KCNK13: variants seen among roughly 807,000 people sequenced by gnomAD.
KCNK13 encodes the protein potassium two pore domain channel subfamily K member 13, also known as potassium channel subfamily K member 13.
In KCNK13, 12 loss-of-function variants were observed where a neutral mutation model predicts 23.4. The ratio of observed to expected loss-of-function variants is 0.51; its 90% CI spans 0.33 to 0.83. The LOEUF is 0.83. Among genes scored for constraint, KCNK13 ranks in the 40% least tolerant of loss-of-function variants. The probability of loss-of-function intolerance (pLI) is 0.02; values close to 1 mark genes in which losing one functional copy is unlikely to be tolerated. For synonymous variants in KCNK13, 231 were observed against 229.5 expected (o/e 1.01, Z -0.06); for missense variants, 463 against 556.3 (o/e 0.83, Z 1.69).
chr14:90,135,588 TAGAG>T (rs1429188144), intron 1 of KCNK13, among the ~76,000 whole-genome samples: 1 of 152,156 alleles, frequency 6.6e-6, no homozygotes, highest in Non-Finnish European at 1.5e-5. Context: ...GGACAGACGT[TAGAG>T]AGAAGATGGC....
chr14:90,165,893 G>A lies in KCNK13; in HGVS notation c.335-18218G>A, dbSNP rs1890296902. The stretch of plus-strand genomic sequence containing the variant: ...TGCCCCCAAGATGCAGTGACTCTCA[G>A]GGAAATGAAACGTTTTGAATTCCTC... On this transcript the variant is annotated intron_variant, in intron 1 of 1. Transcript: ENST00000282146. Among the ~76,000 whole-genome samples, 2 of 152,184 alleles carry A rather than the reference G, an allele frequency of 1.3e-5. 1 individual carries two copies. Among genetic ancestry groups the A allele is most frequent in the South Asian group, 4.1e-4 (2 of 4,824 alleles).
chr14:90,174,025 G>A (rs760605397), intron 1 of KCNK13, among the ~76,000 whole-genome samples: 9 of 152,008 alleles, frequency 5.9e-5, no homozygotes, highest in East Asian at 1.9e-4. Flanking sequence ...GTCAGATCTC[G>A]GCCAGGCGCA....
intron 1 of KCNK13, among the ~76,000 whole-genome samples, chr14:90,079,375 A>G (rs974996900): frequency 1.3e-5 from 2 of 152,174 alleles, no homozygotes; most frequent in African/African-American, 4.8e-5. Flanking sequence ...GGAAAAGTCA[A>G]ATGAGGTTAT....
chr14:90,165,550 A>T (rs948064587), intron 1 of KCNK13, among the ~76,000 whole-genome samples: 4 of 152,224 alleles, frequency 2.6e-5, no homozygotes, highest in Admixed American at 1.3e-4. Context: ...GGCACCTTTC[A>T]TCGGTTACAT....
chr14:90,085,436 A>T (rs1889260095), intron 1 of KCNK13, among the ~76,000 whole-genome samples: 1 of 151,474 alleles, frequency 6.6e-6, no homozygotes, highest in African/African-American at 2.4e-5. Context: ...AGGCGAGTGG[A>T]TCACCTGAGG....
At chr14:90,086,128 A>C (rs1889273148) in intron 1 of KCNK13, among the ~76,000 whole-genome samples, 1 of 151,864 alleles carries the variant, frequency 6.6e-6, no homozygotes, top group Non-Finnish European at 1.5e-5. Context: ...TATACACCAT[A>C]TTTTCACTGT....
At position 90,112,217 on chromosome 14, in the gene KCNK13, G is replaced by A. The variant is rs114118026; in HGVS notation, c.334+49678G>A. Among the ~76,000 whole-genome samples, 1,267 of 152,276 alleles carry A rather than the reference G, an allele frequency of 8.3e-3. 18 individuals carry two copies. The highest frequency in any genetic ancestry group is 0.029 in the African/African-American group (1,206 of 41,530). ...AGCGATGCCATTTACATTGTGTTCC[G>A]TGGGTAAGGCGGTGCTGCTGACATG... On this transcript the variant is annotated intron_variant, in intron 1 of 1. Coordinates refer to ENST00000282146, the MANE Select transcript of KCNK13 (RefSeq NM_022054.4).
chr14:90,143,962 T>A (rs1357908123), intron 1 of KCNK13, among the ~76,000 whole-genome samples: 4 of 152,256 alleles, frequency 2.6e-5, no homozygotes, highest in African/African-American at 9.6e-5. Flanking sequence ...GTTTGCTATG[T>A]AGGACTTGGA....
At chr14:90,120,286 G>A (rs1889723076) in intron 1 of KCNK13, among the ~76,000 whole-genome samples, 3 of 152,174 alleles carry the variant, frequency 2.0e-5, no homozygotes, top group Non-Finnish European at 4.4e-5. Flanking sequence ...TACGTGATGT[G>A]TGTGTGTCTG....
intron 1 of KCNK13, among the ~76,000 whole-genome samples, chr14:90,100,992 C>G (rs1208754263): frequency 6.6e-6 from 1 of 152,126 alleles, no homozygotes. Context: ...CCGTGCCTGG[C>G]CAGCACGAGA....
intron 1 of KCNK13, among the ~76,000 whole-genome samples, chr14:90,075,143 A>G (rs1457329148): frequency 6.6e-6 from 1 of 151,866 alleles, no homozygotes; most frequent in East Asian, 1.9e-4. Flanking sequence ...TCTGTTTTCA[A>G]TTCTATATTT....
intron 1 of KCNK13, among the ~76,000 whole-genome samples, chr14:90,069,030 CTTTTTTTTTTT>C (rs34881625): frequency 2.2e-5 from 2 of 90,122 alleles, no homozygotes; most frequent in African/African-American, 8.8e-5. Flanking sequence ...AGTTTTTATT[CTTTTTTTTTTT>C]TTTTTTTTTT....
intron 1 of KCNK13, among the ~76,000 whole-genome samples, chr14:90,115,214 A>G (rs577927721): frequency 6.6e-6 from 1 of 152,296 alleles, no homozygotes; most frequent in African/African-American, 2.4e-5. Context: ...TTATAACAGC[A>G]GTAGTTGGAC....
intron 1 of KCNK13, among the ~76,000 whole-genome samples, chr14:90,168,717 A>G (rs1300382178): frequency 1.3e-5 from 2 of 152,180 alleles, no homozygotes; most frequent in Admixed American, 6.5e-5. Context: ...TTGGCATACT[A>G]AAGTTTAGGA....
At chr14:90,064,997 T>C (rs889163984) in intron 1 of KCNK13, among the ~76,000 whole-genome samples, 2 of 152,156 alleles carry the variant, frequency 1.3e-5, no homozygotes, top group Non-Finnish European at 2.9e-5. Flanking sequence ...AAGCTGAAGG[T>C]TCAGGTTTTT....
At chr14:90,141,582 C>T (rs920477674) in intron 1 of KCNK13, among the ~76,000 whole-genome samples, 5 of 151,978 alleles carry the variant, frequency 3.3e-5, no homozygotes, top group East Asian at 1.9e-4. Context: ...CTCAGCCTCC[C>T]GAGTAGCTGG....
chr14:90,123,715 T>G (rs1185527658), intron 1 of KCNK13, among the ~76,000 whole-genome samples: 1 of 152,124 alleles, frequency 6.6e-6, no homozygotes, highest in Non-Finnish European at 1.5e-5. Context: ...CACTGCAGCC[T>G]CAAACTCCTG....
At chr14:90,116,458 T>C (rs1407665491) in intron 1 of KCNK13, among the ~76,000 whole-genome samples, 1 of 152,168 alleles carries the variant, frequency 6.6e-6, no homozygotes, top group Non-Finnish European at 1.5e-5. Context: ...GCAGACCGCA[T>C]CCCTGAAAAG....
At chr14:90,119,839 A>G (rs1889716467) in intron 1 of KCNK13, among the ~76,000 whole-genome samples, 1 of 152,164 alleles carries the variant, frequency 6.6e-6, no homozygotes, top group South Asian at 2.1e-4. Context: ...ACCTCAAGTG[A>G]TCCGCCCACC....
Sources: gnomAD v4.1 joint callset for allele counts (sites outside exome capture counted in the v4.1 genomes callset) on GRCh38, gnomAD v4.1.1 for gene constraint, MANE v1.5 for transcripts, NCBI Gene and HGNC (gene_info 2026-07-23, HGNC 2026-07-21) for gene names.